AOX1: variants seen among roughly 807,000 people sequenced by gnomAD.
The protein encoded by AOX1 is aldehyde oxidase 1.
Under a neutral mutation model 169.5 loss-of-function variants are expected in AOX1, and 153 were observed. The ratio of observed to expected loss-of-function variants is 0.90; its 90% CI spans 0.79 to 1.03. The LOEUF is 1.03. Ranked by LOEUF, AOX1 falls within the 50% of genes least tolerant of loss-of-function variation. AOX1 has a pLI of 0.00. For missense variants in AOX1, 1,656 were observed against 1,663.9 expected, an observed-to-expected ratio of 1.00 and a Z score of 0.08; for synonymous variants, 562 against 581.9, an observed-to-expected ratio of 0.97 and a Z score of 0.49.
At chr2:200,673,884 G>A (rs2036060851), downstream of AOX1, among the ~76,000 whole-genome samples, 1 of 152,182 alleles carries the variant, frequency 6.6e-6, no homozygotes, top group Admixed American at 6.5e-5. Flanking sequence ...TCCTCTGTCT[G>A]GAGGGTTCTA....
At chr2:200,672,635 G>C (rs554102674), downstream of AOX1, among the ~76,000 whole-genome samples, 6 of 152,304 alleles carry the variant, frequency 3.9e-5, 1 homozygote, top group African/African-American at 1.2e-4. Context: ...ATTTTGGTAA[G>C]GGCAGGCAGA....
At chr2:200,599,121 G>C (rs2034349752) in intron 4 of AOX1, among the ~76,000 whole-genome samples, 1 of 152,192 alleles carries the variant, frequency 6.6e-6, no homozygotes. Flanking sequence ...AAGCAAAAAT[G>C]CTAGGGGGAG....
chr2:200,626,952 G>T (rs748551947), intron 19 of AOX1, among the ~76,000 whole-genome samples: 4 of 152,236 alleles, frequency 2.6e-5, no homozygotes, highest in Admixed American at 6.5e-5. Flanking sequence ...CACAGTCAAA[G>T]CTGGTAAGTG....
intron 9 of AOX1, among the ~76,000 whole-genome samples, chr2:200,605,166 T>C (rs181446725): frequency 2.0e-5 from 3 of 152,310 alleles, no homozygotes; most frequent in African/African-American, 7.2e-5. Flanking sequence ...AAATTTCAAA[T>C]TGCTCTTTGT....
chr2:200,669,003 A>G (rs1345661046), intron 33 of AOX1, among the ~76,000 whole-genome samples, 200 bp downstream of exon 33: 4 of 152,206 alleles, frequency 2.6e-5, no homozygotes, highest in African/African-American at 2.4e-5. Flanking sequence ...ATCAACTACT[A>G]TTGCCATCAG....
chr2:200,611,392 C>T lies in AOX1; in HGVS notation c.1162C>T (p.Arg388Ter), dbSNP rs370447959. ...GTCATTTCTTTCCACAGAAGGAAAA[C>T]GACAGATTCCTTTAAATGAGCAATT... Reference protein sequence around the residue: ...TLNLLSKEGKRQIPLNEQFLS... With the variant: ...TLNLLSKEGK Residue 388 changes from arginine (R) to a stop codon, truncating the protein, a stop_gained, in exon 13 of 35, where the codon CGA becomes TGA. Coordinates refer to ENST00000374700, the MANE Select transcript of AOX1 (RefSeq NM_001159.4). LOFTEE classifies it high-confidence loss of function. 1.9e-5 allele frequency: 31 copies of T among 1,610,748 alleles called. No homozygotes were observed. Among genetic ancestry groups the T allele is most frequent in the African/African-American group, 2.7e-5 (2 of 74,842 alleles).
At chr2:200,612,177 GA>G (rs2034654170) in intron 13 of AOX1, among the ~76,000 whole-genome samples, 1 of 152,080 alleles carries the variant, frequency 6.6e-6, no homozygotes, top group South Asian at 2.1e-4. Flanking sequence ...GAACTTATTG[GA>G]AAAAACATGA....
Position 200,670,771 on chromosome 2 carries a change from CAG to C in AOX1, c.*95_*96del. The stretch of plus-strand genomic sequence containing the variant: ...GCTGGAAGATGCTAGATCTGAAAGA[CAG>C]AGTTTCCACAGTTCAGAAATCATCC... On this transcript the variant is annotated 3_prime_UTR_variant, in exon 35 of 35. Transcript: ENST00000374700. The C allele has an allele frequency of 9.7e-7, 1 of 1,026,012 alleles. No individual in the cohort carries two copies. The allele number at this position is 1,026,012 out of a possible 1,614,324, so 63.6% of individuals were successfully genotyped here.
At chr2:200,679,802 T>C (rs1024971193), downstream of AOX1, among the ~76,000 whole-genome samples, 2 of 152,096 alleles carry the variant, frequency 1.3e-5, no homozygotes, top group African/African-American at 4.8e-5. Flanking sequence ...AGAAAAAGGA[T>C]TGGGCACAGT....
In AOX1 at chr2:200,661,590, T is replaced by C; in HGVS notation, c.3387T>C (p.Ala1129=). Residue 1129 remains alanine (A), a synonymous_variant, in exon 30 of 35, where the codon GCT becomes GCC. Transcript: ENST00000374700. ...KGTWKDWAQT[A]FDESINLSAV... ...CTCTTCCTTCACAGGCACAGACTGC[T>C]TTTGATGAAAGCATTAACCTTTCAG... 6.2e-7 allele frequency: 1 copy of C among 1,613,472 alleles called. No homozygotes were observed.
Position 200,595,666 on chromosome 2 carries a change from TG to T in AOX1, c.200+301del, listed in dbSNP as rs556525741. Among the ~76,000 whole-genome samples, 1,187 of 152,010 alleles carry T rather than the reference TG, an allele frequency of 7.8e-3. 10 individuals are homozygous for T. The highest frequency in any genetic ancestry group is 0.014 in the Non-Finnish European group (942 of 67,952). On this transcript the variant is annotated intron_variant, in intron 3 of 34. Coordinates refer to ENST00000374700, the MANE Select transcript of AOX1 (RefSeq NM_001159.4). Reference sequence around the variant, plus strand: ...GGATTGCTTGAGTTTGAGTCCAGCCTGGGCAACACAGCAAGACCTTGTCTCT... The same window carrying T: ...GGATTGCTTGAGTTTGAGTCCAGCCTGGCAACACAGCAAGACCTTGTCTCT...
intron 23 of AOX1, among the ~76,000 whole-genome samples, chr2:200,640,206 T>C (rs1338529114): frequency 6.6e-6 from 1 of 151,716 alleles, no homozygotes; most frequent in Non-Finnish European, 1.5e-5. Flanking sequence ...TAGTAAAAAA[T>C]AGGATTGATG....
At chr2:200,618,883 A>C (rs1380889692) in intron 16 of AOX1, among the ~76,000 whole-genome samples, 3 of 152,242 alleles carry the variant, frequency 2.0e-5, no homozygotes, top group Non-Finnish European at 4.4e-5. Context: ...GAAATGTGTT[A>C]ATCGGGGGGA....
At chr2:200,656,734 G>C (rs975107816) in intron 26 of AOX1, 108 bp from the exon 27 acceptor site, 38 of 750,842 alleles carry the variant, frequency 5.1e-5, no homozygotes, top group Non-Finnish European at 6.4e-5. Context: ...CACCCTGGGG[G>C]GTGCGGGATT....
At chr2:200,596,117 C>T (rs766502532) in intron 3 of AOX1, among the ~76,000 whole-genome samples, 1 of 152,206 alleles carries the variant, frequency 6.6e-6, no homozygotes, top group Non-Finnish European at 1.5e-5. Flanking sequence ...TAATGTTAGA[C>T]GATTTTACAT....
At chr2:200,628,695 G>A (rs186681060) in intron 20 of AOX1, among the ~76,000 whole-genome samples, 1 of 152,266 alleles carries the variant, frequency 6.6e-6, no homozygotes, top group Non-Finnish European at 1.5e-5. Flanking sequence ...TTGGGAGGCC[G>A]AGGTGAGTGG....
Position 200,659,995 on chromosome 2 carries a change from G to C in AOX1, c.3301G>C (p.Asp1101His). ...VADLNGLAVKDACQTLLKRLE... is the reference protein window; with the variant it reads ...VADLNGLAVKHACQTLLKRLE... ...ATTTTAATTTAAAAATAATCTCTAG[G>C]ATGCCTGTCAAACTCTTCTAAAACG... Residue 1101 changes from aspartate to histidine, a missense_variant and splice_region_variant, in exon 29 of 35, where the codon GAT becomes CAT. By Grantham distance (81) the Asp-to-His change is moderately conservative (BLOSUM62 -1). Transcript: ENST00000374700. 6.2e-7 allele frequency: 1 copy of C among 1,610,860 alleles called. No individual in the cohort carries two copies. The highest frequency in any genetic ancestry group is 8.5e-7 in the Non-Finnish European group (1 of 1,177,990).
At chr2:200,664,098 G>T (rs1172517908) in intron 31 of AOX1, among the ~76,000 whole-genome samples, 1 of 147,660 alleles carries the variant, frequency 6.8e-6, no homozygotes, top group Non-Finnish European at 1.5e-5. Context: ...TAGGGAGCGG[G>T]TTCTTGCATA....
rs1007520292 is a variant in AOX1 at position 200,633,772 on chromosome 2, T to A, written c.2222-1019T>A. Among the ~76,000 whole-genome samples, 3 of 152,244 alleles carry A rather than the reference T, an allele frequency of 2.0e-5. No homozygotes were observed. In the South Asian group the frequency reaches 6.2e-4, roughly 32 times the overall value. On this transcript the variant is annotated intron_variant, in intron 20 of 34. Transcript: ENST00000374700. ...CTGGTATGAATGATATTTGATTGTATCCTAGACATTTTAGATATTATGTAA... is the reference window on the plus strand; with the variant it reads ...CTGGTATGAATGATATTTGATTGTAACCTAGACATTTTAGATATTATGTAA...
Sources: gnomAD v4.1 joint callset for allele counts (sites outside exome capture counted in the v4.1 genomes callset) on GRCh38, gnomAD v4.1.1 for gene constraint, MANE v1.5 for transcripts, NCBI Gene and HGNC (gene_info 2026-07-23, HGNC 2026-07-21) for gene names.